CBLN2: variants seen among roughly 807,000 people sequenced by gnomAD.
The protein encoded by CBLN2 is cerebellin-2.
CBLN2 carries 7 observed loss-of-function variants against 15.0 expected under a neutral mutation model. The observed-to-expected ratio is 0.47, with a 90% CI of 0.27 to 0.88. CBLN2 has a LOEUF of 0.88. Among genes scored for constraint, CBLN2 ranks in the 40% least tolerant of loss-of-function variants. CBLN2 has a pLI of 0.14. For synonymous variants in CBLN2, 149 were observed against 135.2 expected (o/e 1.10, Z -0.71); for missense variants, 242 against 304.5 (o/e 0.79, Z 1.53).
intron 1 of CBLN2, among the ~76,000 whole-genome samples, chr18:72,608,555 T>C (rs1568130462): frequency 1.3e-5 from 2 of 152,192 alleles, no homozygotes. Flanking sequence ...AGTATTTTAT[T>C]AGGGAGCAGC....
At chr18:72,573,098 G>A (rs1361193827) in intron 1 of CBLN2, among the ~76,000 whole-genome samples, 1 of 152,078 alleles carries the variant, frequency 6.6e-6, no homozygotes, top group Admixed American at 6.6e-5. Context: ...GATGATAAAA[G>A]CATAGGAAAG....
At chr18:72,545,352 TC>T (rs1225606540), upstream of CBLN2, among the ~76,000 whole-genome samples, 4 of 152,220 alleles carry the variant, frequency 2.6e-5, no homozygotes, top group African/African-American at 4.8e-5. Context: ...GCCAAATGCT[TC>T]CTGGTTAACC....
intron 1 of CBLN2, among the ~76,000 whole-genome samples, chr18:72,557,908 TTAAAA>T (rs771440150): frequency 6.6e-6 from 1 of 152,136 alleles, no homozygotes; most frequent in Non-Finnish European, 1.5e-5. Flanking sequence ...ACACTGGAAC[TTAAAA>T]TAAAAATATG....
Position 72,538,259 on chromosome 18 carries a change from C to T in CBLN2, c.592G>A (p.Val198Met). The T allele has an allele frequency of 6.2e-7, 1 of 1,614,170 alleles. No homozygotes were observed. The highest frequency in any genetic ancestry group is 8.5e-7 in the Non-Finnish European group (1 of 1,180,038). Residue 198 changes from valine to methionine, a missense_variant, in exon 5 of 5, where the codon GTG (valine) becomes ATG (methionine). Val to Met is a conservative substitution (Grantham distance 21, BLOSUM62 1). This residue lies in a region of CBLN2 where 31 missense variants were observed against 36.3 expected (regional missense o/e 0.86). Transcript: ENST00000269503. Reference protein sequence around the residue: ...VLLLMEREDKVHLKLERGNLM... With the variant: ...VLLLMEREDKMHLKLERGNLM... ...TTGCCTCTCTCAAGTTTGAGATGCA[C>T]TTTGTCTTCCCTTTCCATGAGCAGC...
chr18:72,543,106 CA>C lies in CBLN2; in HGVS notation c.-167+379del, dbSNP rs1159924465. On this transcript the variant is annotated intron_variant, in intron 2 of 4. Coordinates refer to ENST00000269503, the MANE Select transcript of CBLN2 (RefSeq NM_182511.4). The surrounding 1 kb of genome is among the most constrained non-coding windows in gnomAD (Gnocchi z 6.8). ...TGGGTTATTCTCCAGCTCTGGTTTC[CA>C]GACCACGGGGATTCTCTCTTTCTCA... The C allele has an allele frequency of 5.5e-6, 1 of 180,518 alleles. No individual in the cohort carries two copies. The highest frequency in any genetic ancestry group is 1.3e-4 in the East Asian group (1 of 7,746). 11.2% of individuals were successfully genotyped at this position (180,518 alleles called of 1,614,324 possible).
At chr18:72,568,533 A>C (rs1013169598) in intron 1 of CBLN2, among the ~76,000 whole-genome samples, 1 of 152,110 alleles carries the variant, frequency 6.6e-6, no homozygotes, top group African/African-American at 2.4e-5. Flanking sequence ...TAAAGTAATT[A>C]TTATTAAAAA....
At chr18:72,557,155 T>C (rs2069231648) in intron 1 of CBLN2, among the ~76,000 whole-genome samples, 2 of 152,088 alleles carry the variant, frequency 1.3e-5, no homozygotes, top group Admixed American at 1.3e-4. Context: ...ATACAGTATA[T>C]GCTATTTAAT....
At chr18:72,629,924 G>C (rs2046648944) in intron 1 of CBLN2, among the ~76,000 whole-genome samples, 1 of 151,968 alleles carries the variant, frequency 6.6e-6, no homozygotes, top group South Asian at 2.1e-4. Context: ...AGAGATACTG[G>C]AAATCCATTT....
chr18:72,638,314 T>C (rs374318385), intron 1 of CBLN2: 1 of 398,478 alleles, frequency 2.5e-6, no homozygotes, highest in African/African-American at 2.1e-5. Flanking sequence ...GCCTAAAGTT[T>C]TAACACGTAC....
chr18:72,538,185 A>T lies in CBLN2; in HGVS notation c.666T>A (p.Phe222Leu), dbSNP rs1467595836. 16 of 1,613,958 alleles carry T rather than the reference A, an allele frequency of 9.9e-6. No individual in the cohort carries two copies. The highest frequency in any genetic ancestry group is 1.4e-5 in the Non-Finnish European group (16 of 1,180,010). The change falls in exon 5 of 5, where the codon TTT becomes TTA. Residue 222 changes from phenylalanine to leucine, a missense_variant. Physicochemically the swap from Phe to Leu is conservative, Grantham distance 22 (BLOSUM62 0). This residue lies in a region of CBLN2 where 31 missense variants were observed against 36.3 expected (regional missense o/e 0.86). Transcript: ENST00000269503. ...KYSTFSGFLV[F>L]PL is the part of the protein sequence containing the mutation. The stretch of plus-strand genomic sequence containing the variant: ...CTAGGGGGCTCTGTGTTTATAGAGG[A>T]AACACCAAGAAGCCCGAGAATGTGG...
At chr18:72,636,678 T>G (rs2069815109) in intron 1 of CBLN2, among the ~76,000 whole-genome samples, 1 of 152,232 alleles carries the variant, frequency 6.6e-6, no homozygotes, top group African/African-American at 2.4e-5. Context: ...TCTGGCTTTA[T>G]ATTTAGATTG....
chr18:72,634,430 T>C (rs1296108387), intron 1 of CBLN2, among the ~76,000 whole-genome samples: 3 of 152,078 alleles, frequency 2.0e-5, no homozygotes, highest in Non-Finnish European at 4.4e-5. Context: ...GTGATACATA[T>C]GATACTGAGT....
rs374806683 is a variant in CBLN2, at chr18:72,542,028, C to G, written c.133G>C (p.Ala45Pro). Reference sequence around the variant, plus strand: ...TTCTGCGCCCGCACGGGGCAGCAGGCGGGCAGTAGCAGCAACAGCAGGGCC... The same window carrying G: ...TTCTGCGCCCGCACGGGGCAGCAGGGGGGCAGTAGCAGCAACAGCAGGGCC... ...ALALLLLLLP[A>P]CCPVRAQNDT... The change falls in exon 3 of 5, where the codon GCC becomes CCC. Residue 45 changes from alanine (A) to proline (P), a missense_variant. By Grantham distance (27) the Ala-to-Pro change is conservative (BLOSUM62 -1). This residue lies in a region of CBLN2 where 96 missense variants were observed against 83.8 expected (regional missense o/e 1.15). Transcript: ENST00000269503. The G allele has an allele frequency of 1.3e-6, 2 of 1,593,404 alleles. No homozygotes were observed. Among genetic ancestry groups the G allele is most frequent in the South Asian group, 1.1e-5 (1 of 89,390 alleles).
At chr18:72,576,109 A>C (rs935230106) in intron 1 of CBLN2, among the ~76,000 whole-genome samples, 1 of 152,222 alleles carries the variant, frequency 6.6e-6, no homozygotes, top group East Asian at 1.9e-4. Flanking sequence ...ACTAACATTA[A>C]ACTAAAACTC....
chr18:72,612,860 C>T (rs766155725), intron 1 of CBLN2, among the ~76,000 whole-genome samples: 40 of 152,204 alleles, frequency 2.6e-4, no homozygotes, highest in Non-Finnish European at 3.7e-4. Flanking sequence ...AACAAAGTGT[C>T]ATAAACTGGG....
At chr18:72,565,588 A>G (rs746127476) in intron 1 of CBLN2, among the ~76,000 whole-genome samples, 13 of 152,184 alleles carry the variant, frequency 8.5e-5, no homozygotes, top group Non-Finnish European at 1.3e-4. Flanking sequence ...AGTCTATATG[A>G]GAATTTTTAT....
chr18:72,631,092 C>T (rs2069773329), intron 1 of CBLN2: 1 of 152,170 alleles, frequency 6.6e-6, no homozygotes, highest in African/African-American at 2.4e-5. Flanking sequence ...CTCAGCGACA[C>T]AAACATACTA....
At chr18:72,598,303 G>C (rs991209369) in intron 1 of CBLN2, among the ~76,000 whole-genome samples, 2 of 152,152 alleles carry the variant, frequency 1.3e-5, no homozygotes, top group Non-Finnish European at 2.9e-5. Context: ...CAAGGAAATG[G>C]GTTCCCTTCT....
chr18:72,591,958 A>G (rs1249494124), intron 1 of CBLN2, among the ~76,000 whole-genome samples: 1 of 152,204 alleles, frequency 6.6e-6, no homozygotes, highest in Non-Finnish European at 1.5e-5. Flanking sequence ...TGCAATAAAC[A>G]TAGGCGTATA....
Sources: allele counts gnomAD v4.1 joint callset (sites outside exome capture counted in the v4.1 genomes callset), GRCh38; gene constraint gnomAD v4.1.1; regional missense constraint gnomAD v4.1.1; non-coding constraint Gnocchi (gnomAD v3.1); transcripts MANE v1.5; gene names NCBI Gene and HGNC (gene_info 2026-07-23, HGNC 2026-07-21).